The following USP9Y variants were observed in gnomAD, a reference collection of about 807,000 sequenced individuals.
USP9Y encodes ubiquitin carboxyl-terminal hydrolase 9Y.
In USP9Y, 41 loss-of-function variants were observed where a neutral mutation model predicts 53.1. The observed-to-expected ratio is 0.77, with a 90% confidence interval of 0.60 to 1.00. USP9Y has a LOEUF of 1.00. Ranked by LOEUF, USP9Y falls within the 50% of genes least tolerant of loss-of-function variation. The pLI is 0.00. For synonymous variants in USP9Y, 220 were observed against 173.7 expected, an observed-to-expected ratio of 1.27 and a Z score of -2.09; for missense variants, 567 against 535.8, an observed-to-expected ratio of 1.06 and a Z score of -0.58.
rs747440665 is a variant in USP9Y, at chrY:12,736,403, T to C, written c.1026-8T>C. 1 of 385,235 alleles carries C rather than the reference T, an allele frequency of 2.6e-6. No individual in the cohort carries two copies. The highest frequency in any genetic ancestry group is 3.1e-5 in the South Asian group (1 of 32,735). On this transcript the variant is annotated splice_region_variant and splice_polypyrimidine_tract_variant and intron_variant, in intron 9 of 45. Coordinates refer to ENST00000338981, the MANE Select transcript of USP9Y (RefSeq NM_004654.4). The stretch of plus-strand genomic sequence containing the variant: ...GGTTATAACATTTACTCCAAATTTT[T>C]CTCATAGATTGTTGCAAATTTCCTC...
intron 39 of USP9Y, among the ~76,000 whole-genome samples, chrY:12,845,878 G>A (rs2053565868): frequency 3.1e-5 from 1 of 32,321 alleles, no homozygotes; most frequent in African/African-American, 1.2e-4. Flanking sequence ...TTATAGTAGA[G>A]ATGGGGTTTC....
intron 12 of USP9Y, among the ~76,000 whole-genome samples, chrY:12,746,205 C>T: frequency 3.0e-5 from 1 of 33,605 alleles, no homozygotes; most frequent in Non-Finnish European, 7.4e-5. Flanking sequence ...ATATCCCATA[C>T]GGTTATCCCA....
chrY:12,840,802 A>G, intron 36 of USP9Y, among the ~76,000 whole-genome samples, 188 bp downstream of exon 36: 2 of 33,144 alleles, frequency 6.0e-5, no homozygotes, highest in Non-Finnish European at 1.5e-4. Flanking sequence ...TGAAAAAATT[A>G]TGATATCTGT....
chrY:12,796,808 A>T, intron 27 of USP9Y, among the ~76,000 whole-genome samples: 1 of 33,498 alleles, frequency 3.0e-5, no homozygotes, highest in Non-Finnish European at 7.4e-5. Flanking sequence ...GGATGACCAG[A>T]AGTCACTCTC....
In USP9Y at chrY:12,857,606, C is replaced by G. The variant is rs2053578989; in HGVS notation, c.7475C>G (p.Ser2492Cys). The G allele has an allele frequency of 7.8e-6, 3 of 385,829 alleles. No individual in the cohort carries two copies. The highest frequency in any genetic ancestry group is 1.3e-4 in the African/African-American group (2 of 15,426). The change falls in exon 45 of 46, where the codon TCT (serine) becomes TGT (cysteine). Residue 2492 changes from serine (S) to cysteine (C), a missense_variant. Transcript: ENST00000338981. The part of the protein sequence containing the change: ...DQDAPDEHEP[S>C]PSEDAPLYPH... Reference sequence around the variant, plus strand: ...GATGCCCCAGATGAGCATGAGCCCTCTCCATCAGAAGATGCCCCATTATAT... The same window carrying G: ...GATGCCCCAGATGAGCATGAGCCCTGTCCATCAGAAGATGCCCCATTATAT...
chrY:12,810,711 T>C lies in USP9Y; in HGVS notation c.4132T>C (p.Phe1378Leu). Reference sequence around the variant, plus strand: ...GAAGGGTAAATATTCAGGTGATTATTTCACACTTTTACGGCACCTTCTCAA... The same window carrying C: ...GAAGGGTAAATATTCAGGTGATTATCTCACACTTTTACGGCACCTTCTCAA... ...REKGKYSGDY[F>L]TLLRHLLNYA... is the part of the protein sequence containing the mutation. The change falls in exon 29 of 46, where the codon TTC becomes CTC. Residue 1378 changes from phenylalanine (F) to leucine (L), a missense_variant. Physicochemically the swap from Phe to Leu is conservative, Grantham distance 22. Coordinates refer to ENST00000338981, the MANE Select transcript of USP9Y (RefSeq NM_004654.4). 2.5e-6 allele frequency: 1 copy of C among 396,804 alleles called. No individual in the cohort carries two copies. The highest frequency in any genetic ancestry group is 3.5e-6 in the Non-Finnish European group (1 of 281,941).
intron 3 of USP9Y, 51 bp downstream of exon 3, chrY:12,709,594 A>G: frequency 3.6e-6 from 1 of 278,867 alleles, no homozygotes; most frequent in Non-Finnish European, 5.6e-6. Flanking sequence ...AAAATTGTGA[A>G]ACATGTCCTG....
chrY:12,777,005 C>G, intron 19 of USP9Y, 145 bp downstream of exon 19: 1 of 152,083 alleles, frequency 6.6e-6, no homozygotes, highest in Non-Finnish European at 1.2e-5. Flanking sequence ...TTAAAAACAG[C>G]TATATCTTTT....
chrY:12,805,376 G>A, intron 27 of USP9Y, among the ~76,000 whole-genome samples: 1 of 33,149 alleles, frequency 3.0e-5, no homozygotes, highest in Non-Finnish European at 7.4e-5. Context: ...AATCTGAATA[G>A]AAAAATGAGA....
At chrY:12,756,101 T>C (rs1001792048) in intron 12 of USP9Y, among the ~76,000 whole-genome samples, 5 of 33,092 alleles carry the variant, frequency 1.5e-4, no homozygotes, top group Non-Finnish European at 3.7e-4. Flanking sequence ...GTGCTGGCTC[T>C]TTGTTATTGT....
At chrY:12,826,362 C>T in intron 33 of USP9Y, among the ~76,000 whole-genome samples, 1 of 31,315 alleles carries the variant, frequency 3.2e-5, no homozygotes, top group Admixed American at 2.9e-4. Flanking sequence ...GTGCGCGGAT[C>T]ACTTGAGCCC....
chrY:12,793,518 G>A (rs2053510596), intron 27 of USP9Y, among the ~76,000 whole-genome samples: 1 of 32,435 alleles, frequency 3.1e-5, no homozygotes, highest in African/African-American at 1.2e-4. Context: ...GGCATTAATT[G>A]CACAATATTG....
At chrY:12,817,973 C>T (rs2053537723) in intron 32 of USP9Y, among the ~76,000 whole-genome samples, 1 of 33,460 alleles carries the variant, frequency 3.0e-5, no homozygotes, top group Non-Finnish European at 7.4e-5. Context: ...TATATGCTCC[C>T]GTACCTTCCA....
At chrY:12,825,904 T>G in intron 33 of USP9Y, among the ~76,000 whole-genome samples, 1 of 22,150 alleles carries the variant, frequency 4.5e-5, no homozygotes, top group African/African-American at 1.8e-4. Context: ...TTTTCTTTTC[T>G]TTTCTTTTCT....
rs2053454060 is a variant in USP9Y at position 12,738,531 on chromosome Y, G to GT, written c.1317+230dup. 2.2e-4 allele frequency among the ~76,000 whole-genome samples: 7 copies of GT among 31,862 alleles called. No homozygotes were observed. In the East Asian group the frequency reaches 5.6e-3, roughly 26 times the overall value. The allele number at this position is 31,862 out of a possible 37,273, so 85.5% of individuals were successfully genotyped here. On this transcript the variant is annotated intron_variant, in intron 11 of 45. Transcript: ENST00000338981. ...TAGCAGCTTATAGGTAGTTTTTTTGGTTTTTTTTGTTTTGTTTTGTTTTGT... is the reference window on the plus strand; with the variant it reads ...TAGCAGCTTATAGGTAGTTTTTTTGGTTTTTTTTTGTTTTGTTTTGTTTTGT...
chrY:12,792,546 G>A, intron 26 of USP9Y, among the ~76,000 whole-genome samples: 1 of 34,171 alleles, frequency 2.9e-5, no homozygotes, highest in East Asian at 7.6e-4. Context: ...TACAACTTCC[G>A]TTTTAGGAAT....
At chrY:12,780,439 G>A in intron 22 of USP9Y, among the ~76,000 whole-genome samples, 1 of 32,700 alleles carries the variant, frequency 3.1e-5, no homozygotes, top group Non-Finnish European at 7.5e-5. Flanking sequence ...GTGCTCCTTG[G>A]TCTTGCATCT....
At chrY:12,755,326 G>C in intron 12 of USP9Y, among the ~76,000 whole-genome samples, 3 of 30,649 alleles carry the variant, frequency 9.8e-5, no homozygotes, top group Non-Finnish European at 1.6e-4. Flanking sequence ...CACCATGCCC[G>C]GCTGATGTTT....
intron 26 of USP9Y, among the ~76,000 whole-genome samples, chrY:12,792,121 G>A (rs953782751): frequency 1.7e-3 from 59 of 33,833 alleles, no homozygotes; most frequent in African/African-American, 6.2e-3. Context: ...GGTGGGGGGC[G>A]GGGGAAGGGG....
Sources: allele counts gnomAD v4.1 joint callset (sites outside exome capture counted in the v4.1 genomes callset), GRCh38; gene constraint gnomAD v4.1.1; transcripts MANE v1.5; gene names NCBI Gene and HGNC (gene_info 2026-07-23, HGNC 2026-07-21).